The following ATAD2B variants were observed in gnomAD, a reference collection of about 807,000 sequenced individuals.
ATAD2B encodes the protein ATPase family AAA domain-containing protein 2B.
Under a neutral mutation model 167.6 loss-of-function variants are expected in ATAD2B, and 40 were observed. The ratio of observed to expected loss-of-function variants is 0.24; its 90% CI spans 0.19 to 0.31. The LOEUF is 0.31. Ranked by LOEUF, ATAD2B falls within the 10% of genes least tolerant of loss-of-function variation. The probability of loss-of-function intolerance (pLI) is 1.00; values close to 1 mark genes in which losing one functional copy is unlikely to be tolerated. For synonymous variants in ATAD2B, 579 were observed against 596.5 expected (o/e 0.97, Z 0.43); for missense variants, 1,242 against 1,757.2 (o/e 0.71, Z 5.24).
intron 21 of ATAD2B, 87 bp downstream of exon 21, chr2:23,785,940 G>T: frequency 8.2e-7 from 1 of 1,219,872 alleles, no homozygotes; most frequent in Non-Finnish European, 1.1e-6. Flanking sequence ...CCATGCCTTT[G>T]CTTTTTTTTC....
Position 23,875,871 on chromosome 2 carries a change from A to G in ATAD2B, c.935T>C (p.Leu312Pro). The change falls in exon 8 of 28, where the codon CTG becomes CCG. Residue 312 changes from leucine (L) to proline (P), a missense_variant. Around this residue, in one of 9 missense-constraint regions of ATAD2B, gnomAD observed 127 missense variants for 146.3 expected, o/e 0.87. Coordinates refer to ENST00000238789, the MANE Select transcript of ATAD2B (RefSeq NM_017552.4). ...TGCTGGAGATCTATGAATATCAAAC[A>G]GCGTGTTTTCCCTCTTTTTTTGATG... ...PAHQKKRENTLFDIHRSPARR... is the reference protein window; with the variant it reads ...PAHQKKRENTPFDIHRSPARR... 2 of 1,610,682 alleles carry G rather than the reference A, an allele frequency of 1.2e-6. No individual in the cohort carries two copies. Among genetic ancestry groups the G allele is most frequent in the East Asian group, 2.2e-5 (1 of 44,798 alleles).
Position 23,782,910 on chromosome 2 carries a change from C to T in ATAD2B, c.3092G>A (p.Cys1031Tyr). The T allele has an allele frequency of 6.2e-7, 1 of 1,612,556 alleles. No homozygotes were observed. The highest frequency in any genetic ancestry group is 8.5e-7 in the Non-Finnish European group (1 of 1,179,082). The change falls in exon 22 of 28, where the codon TGT becomes TAT. Residue 1031 changes from cysteine to tyrosine, a missense_variant. Coordinates refer to ENST00000238789, the MANE Select transcript of ATAD2B (RefSeq NM_017552.4). ...KDFLKDIDLICSNALEYNPDK... is the reference protein window; with the variant it reads ...KDFLKDIDLIYSNALEYNPDK... The stretch of plus-strand genomic sequence containing the variant: ...TGGATTATACTCTAAAGCATTGCTA[C>T]AGATGAGGTCAATATCTTTCAGGAA...
chr2:23,847,888 G>A (rs999895732), intron 13 of ATAD2B, among the ~76,000 whole-genome samples: 14 of 151,022 alleles, frequency 9.3e-5, no homozygotes, highest in Non-Finnish European at 7.4e-5. Flanking sequence ...AGCTACTCGG[G>A]AGGCTGAGGC....
At chr2:23,691,680 G>A in the ATAD2B span, 1 of 1,551,684 alleles carries the variant, frequency 6.4e-7, no homozygotes, top group South Asian at 1.2e-5. Context: ...CTAGGTCCGT[G>A]CAAGACAGCG....
At chr2:23,703,497 TA>T in the ATAD2B span, 1 of 1,090,058 alleles carries the variant, frequency 9.2e-7, no homozygotes, top group Non-Finnish European at 1.3e-6. Flanking sequence ...GACCCAGATC[TA>T]GAGGGTGGCA....
chr2:23,687,363 T>C, the ATAD2B span, among the ~76,000 whole-genome samples: 1 of 152,116 alleles, frequency 6.6e-6, no homozygotes, highest in Admixed American at 6.5e-5. Context: ...TGTCCACCAC[T>C]CCAGCCCCAG....
the ATAD2B span, among the ~76,000 whole-genome samples, chr2:23,710,801 C>T: frequency 6.6e-6 from 1 of 152,192 alleles, no homozygotes; most frequent in Non-Finnish European, 1.5e-5. Context: ...TTAAAGTACA[C>T]TGGAGGATGT....
At chr2:23,765,392 C>T in intron 23 of ATAD2B, 114 bp downstream of exon 23, 2 of 864,522 alleles carry the variant, frequency 2.3e-6, no homozygotes, top group Non-Finnish European at 3.2e-6. Context: ...TAAATAAATA[C>T]ATTAAATACA....
At chr2:23,736,178 C>T in the ATAD2B span, among the ~76,000 whole-genome samples, 1 of 152,164 alleles carries the variant, frequency 6.6e-6, no homozygotes, top group African/African-American at 2.4e-5. Flanking sequence ...AATTATTTCT[C>T]ATCTATACAA....
At chr2:23,920,232 A>AATT (rs1224447743) in intron 1 of ATAD2B, among the ~76,000 whole-genome samples, 1 of 152,194 alleles carries the variant, frequency 6.6e-6, no homozygotes, top group Non-Finnish European at 1.5e-5. Flanking sequence ...TCAACATAAT[A>AATT]GTCTCTGTCT....
intron 13 of ATAD2B, among the ~76,000 whole-genome samples, chr2:23,854,812 G>C (rs976590105): frequency 6.6e-6 from 1 of 152,100 alleles, no homozygotes; most frequent in Non-Finnish European, 1.5e-5. Context: ...AATCTATATG[G>C]TGGCTTTATC....
intron 16 of ATAD2B, 29 bp from the exon 17 acceptor site, chr2:23,819,911 G>A: frequency 1.3e-6 from 2 of 1,490,132 alleles, no homozygotes; most frequent in East Asian, 2.3e-5. Context: ...ATGGTTATGG[G>A]GCTTATAAAG....
intron 1 of ATAD2B, among the ~76,000 whole-genome samples, chr2:23,913,965 CA>C (rs386389712): frequency 6.6e-6 from 1 of 151,062 alleles, no homozygotes; most frequent in Admixed American, 6.6e-5. Context: ...GGACCCTGGT[CA>C]AAAAAAACCA....
intron 8 of ATAD2B, chr2:23,872,995 A>G (rs997243113): frequency 2.8e-6 from 2 of 720,820 alleles, no homozygotes; most frequent in African/African-American, 3.4e-5. Context: ...CCAGATCAAC[A>G]CCAGTTTGTA....
At chr2:23,852,757 A>G (rs1242197441) in intron 13 of ATAD2B, among the ~76,000 whole-genome samples, 1 of 152,056 alleles carries the variant, frequency 6.6e-6, no homozygotes, top group Non-Finnish European at 1.5e-5. Flanking sequence ...TGTCTCTACT[A>G]AAAACACAAA....
chr2:23,906,770 T>C (rs1408319509), intron 1 of ATAD2B, among the ~76,000 whole-genome samples: 3 of 151,864 alleles, frequency 2.0e-5, no homozygotes, highest in East Asian at 3.9e-4. Flanking sequence ...TTATCCACCA[T>C]GATCAAGTGG....
intron 18 of ATAD2B, among the ~76,000 whole-genome samples, chr2:23,802,636 CA>C (rs879810887): frequency 1.7e-3 from 222 of 134,358 alleles, no homozygotes; most frequent in Middle Eastern, 0.011. Flanking sequence ...GTCTACAACT[CA>C]AAAAAAAAAA....
chr2:23,753,448 A>G (rs1675589738), intron 27 of ATAD2B, among the ~76,000 whole-genome samples: 1 of 152,148 alleles, frequency 6.6e-6, no homozygotes, highest in South Asian at 2.1e-4. Flanking sequence ...AGGCAAATCA[A>G]CAAAGGGAGT....
rs572052304 is a variant in ATAD2B, at chr2:23,819,222, G to GT, written c.2267+524dup. On this transcript the variant is annotated intron_variant, in intron 17 of 27. Coordinates refer to ENST00000238789, the MANE Select transcript of ATAD2B (RefSeq NM_017552.4). ...TTTAAAAAAAAGTAAACTTAGCCAG[G>GT]TACAGTGGCATACGCCTATAATCCC... 1.1e-4 allele frequency among the ~76,000 whole-genome samples: 17 copies of GT among 152,254 alleles called. No homozygotes were observed. The South Asian group carries it at 3.5e-3, about 32-fold the overall frequency.
Sources: gnomAD v4.1 joint callset for allele counts (sites outside exome capture counted in the v4.1 genomes callset) on GRCh38, gnomAD v4.1.1 for gene constraint, gnomAD v4.1.1 regional missense constraint, MANE v1.5 for transcripts, NCBI Gene and HGNC (gene_info 2026-07-23, HGNC 2026-07-21) for gene names.